The following KIF13A variants were observed in gnomAD, a reference collection of about 807,000 sequenced individuals.
The protein encoded by KIF13A is kinesin family member 13A.
A neutral mutation model predicts 212.2 loss-of-function variants in KIF13A; 79 were observed. That is an observed-to-expected ratio of 0.37 (90% CI 0.31 to 0.45). The LOEUF (loss-of-function observed/expected upper bound fraction) is 0.45. Among genes scored for constraint, KIF13A ranks in the 20% least tolerant of loss-of-function variants. KIF13A has a pLI of 1.00. For synonymous variants in KIF13A, 789 were observed against 808.6 expected (o/e 0.98, Z 0.41); for missense variants, 1,901 against 2,209.0 (o/e 0.86, Z 2.79).
Position 17,856,204 on chromosome 6 carries a change from A to T in KIF13A, c.221-82T>A. On this transcript the variant is annotated intron_variant, in intron 4 of 38. Transcript: ENST00000259711. This position sits in a 1 kb window ranked among gnomAD's most constrained non-coding sequence, Gnocchi z 4.5. The stretch of plus-strand genomic sequence containing the variant: ...TTTGTGTTAGTAACAATATTATGTC[A>T]ATTCAAAAAAATGTTAAAAGTGTAG... 2.1e-6 allele frequency: 2 copies of T among 955,486 alleles called. No individual in the cohort carries two copies. Among genetic ancestry groups the T allele is most frequent in the South Asian group, 3.0e-5 (2 of 67,004 alleles). 59.2% of individuals were successfully genotyped at this position (955,486 alleles called of 1,614,324 possible).
chr6:17,933,226 A>T (rs2150540570), intron 2 of KIF13A, among the ~76,000 whole-genome samples: 1 of 152,168 alleles, frequency 6.6e-6, no homozygotes, highest in Non-Finnish European at 1.5e-5. Context: ...ATTTTACAGC[A>T]CCTATAAAAG....
At position 17,892,109 on chromosome 6, in the gene KIF13A, C is replaced by G. The variant is rs1244423769; in HGVS notation, c.159+6059G>C. 1.3e-5 allele frequency among the ~76,000 whole-genome samples: 2 copies of G among 152,162 alleles called. No homozygotes were observed. Among genetic ancestry groups the G allele is most frequent in the Non-Finnish European group, 2.9e-5 (2 of 68,018 alleles). On this transcript the variant is annotated intron_variant, in intron 3 of 38. Coordinates refer to ENST00000259711, the MANE Select transcript of KIF13A (RefSeq NM_022113.6). This position sits in a 1 kb window ranked among gnomAD's most constrained non-coding sequence, Gnocchi z 4.7. ...CTGCCATCACTTCCAACTCAGCCCA[C>G]TCTAGAACGTAATCAACTTCCCACT... is the stretch of plus-strand genomic sequence containing the variant.
intron 2 of KIF13A, among the ~76,000 whole-genome samples, chr6:17,946,517 G>A (rs1007481652): frequency 1.7e-4 from 25 of 151,302 alleles, no homozygotes; most frequent in African/African-American, 5.8e-4. Flanking sequence ...ATGAATGGCC[G>A]ATAAAATATA....
In KIF13A at chr6:17,828,946, C is replaced by T. The variant is rs901794275; in HGVS notation, c.1402-576G>A. Reference sequence around the variant, plus strand: ...GCCTGTGGGTCATACCATGTACAAACGTGTGATTTTTTTTTTTTTGACATG... The same window carrying T: ...GCCTGTGGGTCATACCATGTACAAATGTGTGATTTTTTTTTTTTTGACATG... On this transcript the variant is annotated intron_variant, in intron 13 of 38. Coordinates refer to ENST00000259711, the MANE Select transcript of KIF13A (RefSeq NM_022113.6). This position sits in a 1 kb window ranked among gnomAD's most constrained non-coding sequence, Gnocchi z 4.3. 1.5e-5 allele frequency among the ~76,000 whole-genome samples: 2 copies of T among 135,770 alleles called. No homozygotes were observed. The highest frequency in any genetic ancestry group is 3.2e-5 in the Non-Finnish European group (2 of 62,758). 89.1% of individuals were successfully genotyped at this position (135,770 alleles called of 152,430 possible). A position where few individuals can be genotyped will look rare whatever the true frequency, so the allele number is the denominator to read the frequency against.
chr6:17,802,451 C>T lies in KIF13A; in HGVS notation c.2454+1910G>A, dbSNP rs190443204. 1.1e-4 allele frequency among the ~76,000 whole-genome samples: 16 copies of T among 151,854 alleles called. No homozygotes were observed. In the East Asian group the frequency reaches 1.6e-3, roughly 15 times the overall value. On this transcript the variant is annotated intron_variant, in intron 20 of 38. Coordinates refer to ENST00000259711, the MANE Select transcript of KIF13A (RefSeq NM_022113.6). ...GGATTACAGGCATGCGCCACCACGC[C>T]GGCTAATTTTGTATTTTTAGTAGAG...
chr6:17,772,451 CAAACAAA>C lies in KIF13A; in HGVS notation c.4325-399_4325-393del, dbSNP rs1759581599. ...AAAAAACCCCACAAACAACAAACAA[CAAACAAA>C]AAAACCCCCAAAAAACCATGGAACA... On this transcript the variant is annotated intron_variant, in intron 36 of 38. Coordinates refer to ENST00000259711, the MANE Select transcript of KIF13A (RefSeq NM_022113.6). The surrounding 1 kb of genome is among the most constrained non-coding windows in gnomAD (Gnocchi z 4.8). Among the ~76,000 whole-genome samples the C allele has an allele frequency of 1.3e-5, 2 of 152,026 alleles. No individual in the cohort carries two copies. Among genetic ancestry groups the C allele is most frequent in the African/African-American group, 4.8e-5 (2 of 41,410 alleles).
chr6:17,955,067 C>A (rs148913940), intron 2 of KIF13A, among the ~76,000 whole-genome samples: 343 of 152,186 alleles, frequency 2.3e-3, no homozygotes, highest in Non-Finnish European at 4.1e-3. Context: ...TGGGCTCAAG[C>A]GATCCTCCTG....
chr6:17,874,860 T>C (rs2150438671), intron 3 of KIF13A, among the ~76,000 whole-genome samples: 1 of 151,910 alleles, frequency 6.6e-6, no homozygotes, highest in Non-Finnish European at 1.5e-5. Context: ...AGTGAGGACA[T>C]ACAACGTTTG....
intron 2 of KIF13A, among the ~76,000 whole-genome samples, chr6:17,920,961 G>T (rs950278848): frequency 6.6e-6 from 1 of 152,024 alleles, no homozygotes; most frequent in Non-Finnish European, 1.5e-5. Flanking sequence ...CCCTTAAAGG[G>T]TCATATCCTC....
rs1159928125 is a variant in KIF13A, at chr6:17,895,604, A to C, written c.159+2564T>G. On this transcript the variant is annotated intron_variant, in intron 3 of 38. Coordinates refer to ENST00000259711, the MANE Select transcript of KIF13A (RefSeq NM_022113.6). The surrounding 1 kb of genome is among the most constrained non-coding windows in gnomAD (Gnocchi z 4.4). ...AACCCAAAGTATAAGGAGATTAGCAAGGACTCCACCTCTGGAAGGACTTGA... is the reference window on the plus strand; with the variant it reads ...AACCCAAAGTATAAGGAGATTAGCACGGACTCCACCTCTGGAAGGACTTGA... 6.6e-6 allele frequency among the ~76,000 whole-genome samples: 1 copy of C among 152,230 alleles called. No homozygotes were observed. The highest frequency in any genetic ancestry group is 1.5e-5 in the Non-Finnish European group (1 of 68,032).
chr6:17,873,408 G>T lies in KIF13A; in HGVS notation c.189C>A (p.Ser63=). The change falls in exon 4 of 39, where the codon TCC becomes TCA. Residue 63 remains serine, a synonymous_variant. Transcript: ENST00000259711. ...KVFAFDYCFW[S]MDESNTTKYA... ...ATTTTGTAGTGTTAGATTCATCCAT[G>T]GACCAAAAGCAATAATCAAAGGCAA... The T allele has an allele frequency of 6.3e-7, 1 of 1,593,888 alleles. No individual in the cohort carries two copies. The highest frequency in any genetic ancestry group is 8.6e-7 in the Non-Finnish European group (1 of 1,169,322).
Position 17,783,193 on chromosome 6 carries a change from A to G in KIF13A, c.3544+453T>C, listed in dbSNP as rs1165135430. Among the ~76,000 whole-genome samples the G allele has an allele frequency of 1.3e-5, 2 of 152,236 alleles. No homozygotes were observed. The highest frequency in any genetic ancestry group is 6.5e-5 in the Admixed American group (1 of 15,284). On this transcript the variant is annotated intron_variant, in intron 29 of 38. Transcript: ENST00000259711. The surrounding 1 kb of genome is among the most constrained non-coding windows in gnomAD (Gnocchi z 4.3). ...GAAAAGGATTGTTCTGCTAAAGCAC[A>G]TTGGAAACCATTGTTCTAGACTTGC...
Position 17,872,932 on chromosome 6 carries a change from G to C in KIF13A, c.220+445C>G, listed in dbSNP as rs1026736710. The stretch of plus-strand genomic sequence containing the variant: ...ATTACAGATGTGAGCCACCATGCCC[G>C]GACGAAAAATAAATTTTTAAAAAGA... On this transcript the variant is annotated intron_variant, in intron 4 of 38. Transcript: ENST00000259711. The surrounding 1 kb of genome is among the most constrained non-coding windows in gnomAD (Gnocchi z 4.7). Among the ~76,000 whole-genome samples, 1 of 151,970 alleles carries C rather than the reference G, an allele frequency of 6.6e-6. No individual in the cohort carries two copies. Among genetic ancestry groups the C allele is most frequent in the African/African-American group, 2.4e-5 (1 of 41,358 alleles).
intron 22 of KIF13A, among the ~76,000 whole-genome samples, chr6:17,797,959 T>A (rs965888592): frequency 2.0e-5 from 3 of 152,092 alleles, no homozygotes; most frequent in Non-Finnish European, 4.4e-5. Context: ...CTGACTGAGA[T>A]GGGTGGCAAA....
intron 2 of KIF13A, among the ~76,000 whole-genome samples, chr6:17,955,843 C>G (rs972348525): frequency 1.3e-5 from 2 of 152,154 alleles, no homozygotes; most frequent in African/African-American, 4.8e-5. Context: ...AATTTGTGTT[C>G]ACACATCTAC....
chr6:17,944,609 C>A (rs1041040642), intron 2 of KIF13A, among the ~76,000 whole-genome samples: 24 of 152,144 alleles, frequency 1.6e-4, no homozygotes, highest in African/African-American at 5.8e-4. Flanking sequence ...ACCACACAGG[C>A]ACTGAGAGGC....
At chr6:17,922,310 T>C (rs1775142738) in intron 2 of KIF13A, among the ~76,000 whole-genome samples, 1 of 152,164 alleles carries the variant, frequency 6.6e-6, no homozygotes, top group Non-Finnish European at 1.5e-5. Context: ...AAGGGATCTG[T>C]GGCAAGGTGA....
At chr6:17,881,506 C>T in intron 3 of KIF13A, 1 of 433,092 alleles carries the variant, frequency 2.3e-6, no homozygotes, top group East Asian at 7.2e-5. Flanking sequence ...ACCATCCTGG[C>T]CAACATATGG....
At chr6:17,827,505 T>A (rs1765074093) in intron 14 of KIF13A, among the ~76,000 whole-genome samples, 1 of 144,182 alleles carries the variant, frequency 6.9e-6, no homozygotes, top group South Asian at 2.3e-4. Context: ...CATTATATTA[T>A]TCTCTCTACA....
Sources: allele counts gnomAD v4.1 joint callset (sites outside exome capture counted in the v4.1 genomes callset), GRCh38; gene constraint gnomAD v4.1.1; non-coding constraint Gnocchi (gnomAD v3.1); transcripts MANE v1.5; gene names NCBI Gene and HGNC (gene_info 2026-07-23, HGNC 2026-07-21).